The following KAZN variants were observed in gnomAD, a reference collection of about 807,000 sequenced individuals.
The protein encoded by KAZN is kazrin, periplakin interacting protein.
A neutral mutation model predicts 87.4 loss-of-function variants in KAZN; 40 were observed. The observed-to-expected ratio is 0.46, with a 90% CI of 0.36 to 0.60. KAZN has a LOEUF of 0.60. Ranked by LOEUF, KAZN falls within the 20% of genes least tolerant of loss-of-function variation. The pLI is 0.00. For missense variants in KAZN, 898 were observed against 1,073.9 expected (o/e 0.84, Z 2.29); for synonymous variants, 466 against 458.3 (o/e 1.02, Z -0.22).
At chr1:14,500,700 C>T (rs1046090263) in intron 2 of KAZN, among the ~76,000 whole-genome samples, 1 of 151,804 alleles carries the variant, frequency 6.6e-6, no homozygotes, top group African/African-American at 2.4e-5. Flanking sequence ...ATAACACTCA[C>T]AAAGAAAAAT....
intron 1 of KAZN, among the ~76,000 whole-genome samples, chr1:14,117,408 A>G (rs1369271526): frequency 6.6e-6 from 1 of 152,200 alleles, no homozygotes; most frequent in African/African-American, 2.4e-5. Context: ...GACTGCTGCT[A>G]TGTGAGACAT....
chr1:14,416,056 C>A (rs1471126731), intron 2 of KAZN, among the ~76,000 whole-genome samples: 2 of 152,096 alleles, frequency 1.3e-5, no homozygotes, highest in African/African-American at 4.8e-5. Flanking sequence ...GAAGAGTTTG[C>A]AGAAAAAAGG....
chr1:14,220,305 A>G (rs1647066822), intron 2 of KAZN, among the ~76,000 whole-genome samples: 1 of 152,086 alleles, frequency 6.6e-6, no homozygotes, highest in Non-Finnish European at 1.5e-5. Context: ...AATTGGACCC[A>G]TTTTCTTCTT....
chr1:15,029,186 G>A (rs1377356506), intron 2 of KAZN, among the ~76,000 whole-genome samples: 2 of 152,138 alleles, frequency 1.3e-5, no homozygotes, highest in African/African-American at 4.8e-5. Flanking sequence ...AACAGAATTG[G>A]AGCATCATGG....
chr1:14,005,901 T>C lies in KAZN; in HGVS notation c.91+112145T>C, dbSNP rs116172506. The stretch of plus-strand genomic sequence containing the variant: ...CCTGGATGAGCAAACAAGGGCACTG[T>C]AGCATTCCCACTAGGAGAAAGCTTT... On this transcript the variant is annotated intron_variant, in intron 1 of 16. Coordinates refer to the KAZN transcript ENST00000636203. 8.3e-3 allele frequency among the ~76,000 whole-genome samples: 1,261 copies of C among 152,296 alleles called. 24 individuals carry two copies. Among genetic ancestry groups the C allele is most frequent in the African/African-American group, 0.029 (1,217 of 41,554 alleles).
intron 2 of KAZN, among the ~76,000 whole-genome samples, chr1:14,525,051 C>A (rs1432017855): frequency 6.6e-6 from 1 of 152,254 alleles, no homozygotes; most frequent in Non-Finnish European, 1.5e-5. Flanking sequence ...TTTTGGATAG[C>A]AGCTCACCCA....
chr1:13,927,879 G>T (rs994322971), intron 1 of KAZN, among the ~76,000 whole-genome samples: 2 of 152,198 alleles, frequency 1.3e-5, no homozygotes, highest in African/African-American at 2.4e-5. Context: ...TGATGGAAAA[G>T]ATATGGTCAC....
chr1:13,966,699 C>T (rs1261397411), intron 1 of KAZN, among the ~76,000 whole-genome samples: 2 of 151,866 alleles, frequency 1.3e-5, no homozygotes, highest in African/African-American at 2.4e-5. Context: ...TGAGATGTGC[C>T]GTAAGTGTAA....
intron 2 of KAZN, among the ~76,000 whole-genome samples, chr1:14,251,119 A>T (rs1649993661): frequency 6.6e-6 from 1 of 152,214 alleles, no homozygotes; most frequent in Non-Finnish European, 1.5e-5. Flanking sequence ...GTGATTCCTC[A>T]GCCTAATTCT....
chr1:14,272,717 G>T (rs545674869), intron 2 of KAZN, among the ~76,000 whole-genome samples: 1 of 152,052 alleles, frequency 6.6e-6, no homozygotes, highest in African/African-American at 2.4e-5. Flanking sequence ...AATTAGCTGG[G>T]CATGGTGGCG....
intron 1 of KAZN, among the ~76,000 whole-genome samples, chr1:13,950,711 G>A (rs1641313291): frequency 6.6e-6 from 1 of 152,196 alleles, no homozygotes; most frequent in Non-Finnish European, 1.5e-5. Context: ...GGCCTGGAGA[G>A]AGCAGAGGAA....
intron 1 of KAZN, among the ~76,000 whole-genome samples, chr1:14,926,053 C>T (rs1285082065): frequency 6.6e-6 from 1 of 152,212 alleles, no homozygotes; most frequent in East Asian, 1.9e-4. Flanking sequence ...GCCTCATTCA[C>T]CATAAATGCT....
rs149883828 is a variant in KAZN at position 14,935,807 on chromosome 1, A to C, written c.227-24877A>C. The stretch of plus-strand genomic sequence containing the variant: ...CTAGATGGTCTGTCTGCCTTTCACA[A>C]GGGCCTTCAGAGATCCTGGCCTTAC... On this transcript the variant is annotated intron_variant, in intron 1 of 14. Coordinates refer to ENST00000376030, the MANE Select transcript of KAZN (RefSeq NM_201628.3). 1.1e-3 allele frequency among the ~76,000 whole-genome samples: 163 copies of C among 152,164 alleles called. 1 individual carries two copies. The East Asian group carries it at 0.016, about 15-fold the overall frequency.
chr1:14,122,975 G>A (rs1045264733), intron 1 of KAZN, among the ~76,000 whole-genome samples: 1 of 152,146 alleles, frequency 6.6e-6, no homozygotes, highest in Non-Finnish European at 1.5e-5. Flanking sequence ...TAAGCAAGGC[G>A]ACATTTGATA....
intron 1 of KAZN, among the ~76,000 whole-genome samples, chr1:13,953,816 A>G (rs1287461699): frequency 6.6e-6 from 1 of 152,204 alleles, no homozygotes; most frequent in Non-Finnish European, 1.5e-5. Flanking sequence ...GGTGGCCACC[A>G]GATTGGTACC....
chr1:14,087,233 A>T (rs187419286), intron 1 of KAZN, among the ~76,000 whole-genome samples: 2 of 152,294 alleles, frequency 1.3e-5, no homozygotes, highest in Non-Finnish European at 2.9e-5. Flanking sequence ...ATGCTATCAT[A>T]AATGGCATTT....
chr1:14,754,525 T>C (rs113780240), intron 1 of KAZN, among the ~76,000 whole-genome samples: 3,866 of 152,062 alleles, frequency 0.025, 185 homozygotes, highest in African/African-American at 0.088. Context: ...CCCAGCTACT[T>C]GGGAGGCTGA....
intron 1 of KAZN, among the ~76,000 whole-genome samples, chr1:14,920,784 T>G (rs1165311101): frequency 2.6e-5 from 4 of 152,104 alleles, no homozygotes; most frequent in Admixed American, 2.0e-4. Context: ...CAAAGGGATC[T>G]CCTCTAAACC....
At chr1:14,191,477 T>C (rs1475973884) in intron 2 of KAZN, among the ~76,000 whole-genome samples, 2 of 151,928 alleles carry the variant, frequency 1.3e-5, no homozygotes, top group South Asian at 2.1e-4. Context: ...GATTTGGAGA[T>C]TGAAAATCTA....
Sources: gnomAD v4.1 joint callset for allele counts (sites outside exome capture counted in the v4.1 genomes callset) on GRCh38, gnomAD v4.1.1 for gene constraint, MANE v1.5 for transcripts, NCBI Gene and HGNC (gene_info 2026-07-23, HGNC 2026-07-21) for gene names.